Variants in ATP1B3 observed in about 807,000 individuals in gnomAD.
ATP1B3 encodes the protein sodium/potassium-transporting ATPase subunit beta-3.
In ATP1B3, 10 loss-of-function variants were observed where a neutral mutation model predicts 30.2. The ratio of observed to expected loss-of-function variants is 0.33; its 90% CI spans 0.20 to 0.56. The LOEUF is 0.56. Ranked by LOEUF, ATP1B3 falls within the 20% of genes least tolerant of loss-of-function variation. ATP1B3 has a pLI of 0.90. For synonymous variants in ATP1B3, 113 were observed against 117.0 expected (o/e 0.97, Z 0.22); for missense variants, 238 against 336.7 (o/e 0.71, Z 2.29).
chr3:141,896,242 G>A (rs1934062543), intron 1 of ATP1B3, among the ~76,000 whole-genome samples: 1 of 152,052 alleles, frequency 6.6e-6, no homozygotes, highest in Admixed American at 6.6e-5. Flanking sequence ...GCCGAGGCAG[G>A]AGGATCACTT....
intron 5 of ATP1B3, chr3:141,921,491 C>T (rs1050903861): frequency 6.6e-6 from 1 of 152,192 alleles, no homozygotes; most frequent in African/African-American, 2.4e-5. Context: ...GGTTATTAAT[C>T]ACATGAAACT....
At chr3:141,915,002 T>G (rs537384786) in intron 4 of ATP1B3, among the ~76,000 whole-genome samples, 2 of 142,526 alleles carry the variant, frequency 1.4e-5, no homozygotes, top group South Asian at 2.6e-4. Context: ...CTAGATGATC[T>G]AGTTTATAAA....
At chr3:141,901,416 G>A (rs2107771639) in intron 1 of ATP1B3, among the ~76,000 whole-genome samples, 2 of 152,286 alleles carry the variant, frequency 1.3e-5, no homozygotes, top group Middle Eastern at 6.8e-3. Context: ...GGTTGATAAA[G>A]TATATTTATA....
chr3:141,889,317 C>T (rs1412153824), intron 1 of ATP1B3, among the ~76,000 whole-genome samples: 1 of 152,050 alleles, frequency 6.6e-6, no homozygotes, highest in Non-Finnish European at 1.5e-5. Context: ...ATATTTCTTT[C>T]TGATGAATGT....
chr3:141,898,038 AC>A (rs564765762), intron 1 of ATP1B3, among the ~76,000 whole-genome samples: 7 of 152,196 alleles, frequency 4.6e-5, no homozygotes, highest in Non-Finnish European at 8.8e-5. Context: ...CAGTAGTGGG[AC>A]AACTGGATCT....
intron 5 of ATP1B3, among the ~76,000 whole-genome samples, chr3:141,920,202 C>T (rs1040112928): frequency 6.6e-5 from 10 of 152,008 alleles, no homozygotes; most frequent in Admixed American, 6.6e-4. Context: ...TGCCCTGCTC[C>T]GTAATTGATG....
chr3:141,889,756 TACACACACAC>T lies in ATP1B3; in HGVS notation c.109+12877_109+12886del, dbSNP rs34670135. 9.0e-3 allele frequency among the ~76,000 whole-genome samples: 752 copies of T among 84,016 alleles called. 45 individuals are homozygous for T. The highest frequency in any genetic ancestry group is 0.022 in the African/African-American group (405 of 18,062). 55.1% of individuals were successfully genotyped at this position (84,016 alleles called of 152,430 possible). ...AAAAAAAAAAAAAAAAAAAAATATA[TACACACACAC>T]ACACACACACACACACACACACACA... On this transcript the variant is annotated intron_variant, in intron 1 of 6. Transcript: ENST00000286371.
chr3:141,897,291 G>T (rs1392751231), intron 1 of ATP1B3, among the ~76,000 whole-genome samples: 3 of 152,048 alleles, frequency 2.0e-5, no homozygotes, highest in African/African-American at 7.2e-5. Context: ...TCCTCTTCCT[G>T]CTAGAGAGGA....
chr3:141,883,103 T>C (rs1050185020), intron 1 of ATP1B3, among the ~76,000 whole-genome samples: 1 of 152,212 alleles, frequency 6.6e-6, no homozygotes, highest in African/African-American at 2.4e-5. Context: ...TTTCCTAGCT[T>C]CTGGGCCTCT....
intron 5 of ATP1B3, among the ~76,000 whole-genome samples, chr3:141,916,870 CTTTT>C (rs61106802): frequency 6.6e-6 from 1 of 151,104 alleles, no homozygotes; most frequent in South Asian, 2.1e-4. Context: ...GCATTTTTTT[CTTTT>C]TTTTTCTTTT....
Position 141,915,951 on chromosome 3 carries a change from C to A in ATP1B3, c.532-19C>A. 2 of 1,585,418 alleles carry A rather than the reference C, an allele frequency of 1.3e-6. No individual in the cohort carries two copies. The highest frequency in any genetic ancestry group is 2.3e-5 in the South Asian group (2 of 85,592). On this transcript the variant is annotated intron_variant, in intron 4 of 6. Transcript: ENST00000286371. ...ATACTTACGTGAAGTTTAAATTTAT[C>A]ACTATTTCTTAACCTTAGATAATTG...
At chr3:141,917,665 G>T (rs1289935078) in intron 5 of ATP1B3, among the ~76,000 whole-genome samples, 1 of 152,056 alleles carries the variant, frequency 6.6e-6, no homozygotes, top group Admixed American at 6.5e-5. Flanking sequence ...CTGCACTCCA[G>T]CCTGTTGGCA....
At chr3:141,889,205 A>G (rs1420601412) in intron 1 of ATP1B3, among the ~76,000 whole-genome samples, 1 of 152,138 alleles carries the variant, frequency 6.6e-6, no homozygotes, top group Non-Finnish European at 1.5e-5. Flanking sequence ...CCCCTCCCCC[A>G]GCATGTGGGG....
chr3:141,907,399 C>A (rs1934282812), intron 3 of ATP1B3, 125 bp downstream of exon 3: 1 of 628,870 alleles, frequency 1.6e-6, no homozygotes, highest in Admixed American at 3.4e-5. Flanking sequence ...GCGGGCAGAT[C>A]ACCTGAGGTT....
intron 4 of ATP1B3, among the ~76,000 whole-genome samples, chr3:141,915,523 T>C (rs901150023): frequency 2.0e-5 from 3 of 152,178 alleles, no homozygotes; most frequent in Non-Finnish European, 4.4e-5. Flanking sequence ...GGTTGTGAGA[T>C]ACAGTGAGGC....
intron 1 of ATP1B3, chr3:141,902,192 C>G (rs1274438037): frequency 1.6e-6 from 2 of 1,289,808 alleles, no homozygotes; most frequent in Non-Finnish European, 2.0e-6. Flanking sequence ...CTGTTCTCCT[C>G]TCTTCTGTCC....
At chr3:141,914,099 A>G (rs1421181653) in intron 4 of ATP1B3, among the ~76,000 whole-genome samples, 2 of 152,224 alleles carry the variant, frequency 1.3e-5, no homozygotes, top group Non-Finnish European at 2.9e-5. Context: ...AAATAGCTAC[A>G]TGCATTCCAG....
chr3:141,908,232 A>T (rs1308039657), intron 3 of ATP1B3, among the ~76,000 whole-genome samples: 3 of 152,092 alleles, frequency 2.0e-5, no homozygotes, highest in African/African-American at 7.2e-5. Flanking sequence ...CAAAGTTACC[A>T]GTTTGTAACG....
chr3:141,900,012 C>T (rs1257399824), intron 1 of ATP1B3, among the ~76,000 whole-genome samples: 1 of 151,944 alleles, frequency 6.6e-6, no homozygotes, highest in Non-Finnish European at 1.5e-5. Context: ...GCCTGGGTGA[C>T]AGAGAAAGAC....
Sources: allele counts gnomAD v4.1 joint callset (sites outside exome capture counted in the v4.1 genomes callset), GRCh38; gene constraint gnomAD v4.1.1; transcripts MANE v1.5; gene names NCBI Gene and HGNC (gene_info 2026-07-23, HGNC 2026-07-21).